The following TBC1D4 variants were observed in gnomAD, a reference collection of about 807,000 sequenced individuals.
TBC1D4 encodes the protein TBC (Tre-2, BUB2, CDC16) domain-containing protein.
In TBC1D4, 121 loss-of-function variants were observed where a neutral mutation model predicts 142.5. The ratio of observed to expected loss-of-function variants is 0.85; its 90% CI spans 0.73 to 0.99. TBC1D4 has a LOEUF of 0.99. Ranked by LOEUF, TBC1D4 falls within the 50% of genes least tolerant of loss-of-function variation. TBC1D4 has a pLI of 0.00. For synonymous variants in TBC1D4, 630 were observed against 628.2 expected, an observed-to-expected ratio of 1.00 and a Z score of -0.04; for missense variants, 1,475 against 1,606.6, an observed-to-expected ratio of 0.92 and a Z score of 1.40.
intron 1 of TBC1D4, among the ~76,000 whole-genome samples, chr13:75,468,642 A>C (rs188534569): frequency 2.0e-5 from 3 of 152,330 alleles, no homozygotes; most frequent in Admixed American, 2.0e-4. Flanking sequence ...CTAAATTTAT[A>C]AGTAGCCATA....
At chr13:75,314,358 T>A (rs1878074320) in intron 12 of TBC1D4, among the ~76,000 whole-genome samples, 1 of 152,194 alleles carries the variant, frequency 6.6e-6, no homozygotes, top group Non-Finnish European at 1.5e-5. Context: ...CACTCTCAGA[T>A]ACTCAAAGGA....
intron 1 of TBC1D4, among the ~76,000 whole-genome samples, chr13:75,418,797 T>G (rs1167816745): frequency 6.6e-6 from 1 of 152,192 alleles, no homozygotes; most frequent in African/African-American, 2.4e-5. Context: ...CTCCAAGTGC[T>G]ATGTTTGAAT....
rs762218746 is a variant in TBC1D4 at position 75,292,311 on chromosome 13, A to G, written c.3317-40T>C. The G allele has an allele frequency of 1.9e-6, 3 of 1,547,706 alleles. No individual in the cohort carries two copies. In the African/African-American group the frequency reaches 4.1e-5, roughly 21 times the overall value. The stretch of plus-strand genomic sequence containing the variant: ...ATAATTTTCATGATCAAAACTATGC[A>G]TCCACTCTTGTAAAAAGCACGCTAT... On this transcript the variant is annotated intron_variant, in intron 18 of 20. Transcript: ENST00000377636.
chr13:75,326,125 C>A, intron 10 of TBC1D4, 72 bp downstream of exon 10: 2 of 1,537,470 alleles, frequency 1.3e-6, no homozygotes, highest in Non-Finnish European at 1.8e-6. Context: ...TCACAATCCA[C>A]CTTGACTCCA....
intron 1 of TBC1D4, among the ~76,000 whole-genome samples, chr13:75,480,251 T>C (rs1168121388): frequency 3.9e-5 from 6 of 152,218 alleles, no homozygotes; most frequent in Non-Finnish European, 8.8e-5. Context: ...GAAAGCCACA[T>C]GGTGCAACCT....
At chr13:75,429,693 G>A (rs1040529438) in intron 1 of TBC1D4, among the ~76,000 whole-genome samples, 1 of 151,746 alleles carries the variant, frequency 6.6e-6, no homozygotes, top group Non-Finnish European at 1.5e-5. Context: ...AAAGTATTGG[G>A]GGAGAAAAGA....
chr13:75,308,717 T>C (rs1877430465), intron 14 of TBC1D4, among the ~76,000 whole-genome samples: 1 of 152,206 alleles, frequency 6.6e-6, no homozygotes, highest in Admixed American at 6.5e-5. Flanking sequence ...CAAATATGAA[T>C]TCAATTTCTT....
At chr13:75,336,488 A>T (rs147092155) in intron 8 of TBC1D4, among the ~76,000 whole-genome samples, 7 of 152,318 alleles carry the variant, frequency 4.6e-5, no homozygotes, top group African/African-American at 1.7e-4. Context: ...CAGGTGAATC[A>T]CTTGAGGTCA....
At chr13:75,403,065 T>A (rs1885176954) in intron 1 of TBC1D4, among the ~76,000 whole-genome samples, 1 of 152,142 alleles carries the variant, frequency 6.6e-6, no homozygotes, top group Non-Finnish European at 1.5e-5. Context: ...CCTGGGCCCC[T>A]CTCTCAAGAG....
intron 1 of TBC1D4, among the ~76,000 whole-genome samples, chr13:75,432,025 G>C (rs1038561827): frequency 1.3e-5 from 2 of 152,196 alleles, no homozygotes; most frequent in Admixed American, 1.3e-4. Context: ...TGAGAAAGTG[G>C]ATAAAGATTC....
intron 20 of TBC1D4, among the ~76,000 whole-genome samples, chr13:75,287,932 T>A (rs969293896): frequency 6.6e-6 from 1 of 152,032 alleles, no homozygotes; most frequent in African/African-American, 2.4e-5. Flanking sequence ...CCTGAAGTCA[T>A]CTCCCCGAAG....
intron 1 of TBC1D4, among the ~76,000 whole-genome samples, chr13:75,441,514 G>C (rs1887039795): frequency 6.6e-6 from 1 of 151,976 alleles, no homozygotes; most frequent in Non-Finnish European, 1.5e-5. Context: ...AATTCAAATA[G>C]TTTCCCCCCT....
At chr13:75,411,548 CAG>C (rs1885662646) in intron 1 of TBC1D4, among the ~76,000 whole-genome samples, 1 of 152,140 alleles carries the variant, frequency 6.6e-6, no homozygotes, top group Non-Finnish European at 1.5e-5. Context: ...TTTTTTGAGA[CAG>C]AGTCTCGCTC....
chr13:75,366,999 C>G (rs933930708), intron 1 of TBC1D4: 15 of 984,972 alleles, frequency 1.5e-5, no homozygotes, highest in Non-Finnish European at 1.8e-5. Flanking sequence ...AGTATTAGCT[C>G]TAAGTTCTCT....
intron 1 of TBC1D4, among the ~76,000 whole-genome samples, chr13:75,405,646 ATTTTTC>A (rs1885304059): frequency 6.6e-6 from 1 of 152,068 alleles, no homozygotes; most frequent in South Asian, 2.1e-4. Flanking sequence ...AAGGGAAGTT[ATTTTTC>A]TTTTTGTTTT....
chr13:75,405,837 A>AC (rs964127061), intron 1 of TBC1D4, among the ~76,000 whole-genome samples: 4 of 151,964 alleles, frequency 2.6e-5, no homozygotes, highest in Admixed American at 6.6e-5. Context: ...ACCCAAAAAA[A>AC]TGGAAGTTTG....
At chr13:75,296,986 T>C (rs757286280) in intron 17 of TBC1D4, among the ~76,000 whole-genome samples, 3 of 151,882 alleles carry the variant, frequency 2.0e-5, no homozygotes, top group Non-Finnish European at 4.4e-5. Context: ...GCAAGAGGCA[T>C]TTAAGCACAC....
intron 12 of TBC1D4, among the ~76,000 whole-genome samples, 181 bp downstream of exon 12, chr13:75,319,833 T>C (rs1878605247): frequency 6.6e-6 from 1 of 152,216 alleles, no homozygotes. Context: ...TTTTACATGG[T>C]AATTCATGGT....
chr13:75,300,605 T>C (rs1379056126), intron 16 of TBC1D4, among the ~76,000 whole-genome samples: 1 of 152,182 alleles, frequency 6.6e-6, no homozygotes, highest in Non-Finnish European at 1.5e-5. Context: ...GAAACACAGA[T>C]GGCTACAAGC....
Sources: allele counts gnomAD v4.1 joint callset (sites outside exome capture counted in the v4.1 genomes callset), GRCh38; gene constraint gnomAD v4.1.1; transcripts MANE v1.5; gene names NCBI Gene and HGNC (gene_info 2026-07-23, HGNC 2026-07-21).